Variants in THOC1 observed in about 807,000 individuals in gnomAD.
THOC1 encodes THO complex subunit 1, also known as THO complex 1.
THOC1 carries 29 observed loss-of-function variants against 97.3 expected under a neutral mutation model. The ratio of observed to expected loss-of-function variants is 0.30; its 90% CI spans 0.22 to 0.41. The LOEUF is 0.41. THOC1 is among the 10% of genes least tolerant of loss of function. The probability of loss-of-function intolerance (pLI) is 1.00; values close to 1 mark genes in which losing one functional copy is unlikely to be tolerated. For missense variants in THOC1, 529 were observed against 761.9 expected (o/e 0.69, Z 3.60); for synonymous variants, 255 against 257.0 (o/e 0.99, Z 0.07).
At chr18:252,268 C>T (rs576193554) in intron 9 of THOC1, among the ~76,000 whole-genome samples, 45 of 152,244 alleles carry the variant, frequency 3.0e-4, no homozygotes, top group African/African-American at 1.1e-3. Context: ...GGAGGAGCTC[C>T]TAAGGCTGCC....
chr18:223,351 A>G (rs1911158138), intron 17 of THOC1, 89 bp downstream of exon 17: 2 of 1,050,492 alleles, frequency 1.9e-6, no homozygotes, highest in Non-Finnish European at 2.7e-6. Flanking sequence ...TTTAAATTTC[A>G]TTTGAGCTCT....
At chr18:234,005 A>G (rs1911586547) in intron 11 of THOC1, among the ~76,000 whole-genome samples, 1 of 152,248 alleles carries the variant, frequency 6.6e-6, no homozygotes, top group African/African-American at 2.4e-5. Flanking sequence ...CTATAAATGT[A>G]GAAACACTGC....
In THOC1 at chr18:267,997, A is replaced by C. The variant is rs1912837885; in HGVS notation, c.23T>G (p.Phe8Cys). The change falls in exon 1 of 21, where the codon TTC becomes TGC. Residue 8 changes from phenylalanine (F) to cysteine (C), a missense_variant. Coordinates refer to ENST00000261600, the MANE Select transcript of THOC1 (RefSeq NM_005131.3). ...CCGCGTCCGCGCTTCGGGCAAACTGAAGAGCGGCGGCGTCGGAGACATCTT... is the reference window on the plus strand; with the variant it reads ...CCGCGTCCGCGCTTCGGGCAAACTGCAGAGCGGCGGCGTCGGAGACATCTT... MSPTPPL[F>C]SLPEARTRFT... is the part of the protein sequence containing the mutation. The C allele has an allele frequency of 6.2e-7, 1 of 1,610,776 alleles. No individual in the cohort carries two copies. The highest frequency in any genetic ancestry group is 1.1e-5 in the South Asian group (1 of 90,490).
At chr18:249,412 A>AT (rs1483517555) in intron 9 of THOC1, among the ~76,000 whole-genome samples, 3 of 152,134 alleles carry the variant, frequency 2.0e-5, no homozygotes, top group Non-Finnish European at 4.4e-5. Flanking sequence ...CACACCTGTA[A>AT]TCCCAACACT....
intron 11 of THOC1, among the ~76,000 whole-genome samples, chr18:231,944 G>A (rs757391041): frequency 3.3e-5 from 5 of 152,168 alleles, no homozygotes; most frequent in Admixed American, 1.3e-4. Flanking sequence ...TTCAGGGATT[G>A]GCAAATCTTT....
chr18:215,342 G>T, intron 20 of THOC1, 87 bp downstream of exon 20: 1 of 981,124 alleles, frequency 1.0e-6, no homozygotes, highest in Non-Finnish European at 1.6e-6. Flanking sequence ...AAGTTGAGAA[G>T]TCGATCAAAT....
At chr18:218,807 G>T in intron 18 of THOC1, 79 bp downstream of exon 18, 2 of 1,211,598 alleles carry the variant, frequency 1.7e-6, no homozygotes, top group South Asian at 1.4e-5. Flanking sequence ...CTCTTAAGAG[G>T]CTTTCTAGTA....
At chr18:233,660 T>A (rs1911573289) in intron 11 of THOC1, among the ~76,000 whole-genome samples, 1 of 151,610 alleles carries the variant, frequency 6.6e-6, no homozygotes, top group African/African-American at 2.4e-5. Context: ...ATATTAACCT[T>A]TTCTACAATT....
chr18:218,164 AT>A (rs1292970590), intron 18 of THOC1, among the ~76,000 whole-genome samples: 1 of 152,196 alleles, frequency 6.6e-6, no homozygotes, highest in African/African-American at 2.4e-5. Flanking sequence ...GCACTGTCTT[AT>A]TTAATCCTCA....
intron 11 of THOC1, chr18:245,092 T>TGA (rs1912044992): frequency 1.3e-5 from 2 of 152,220 alleles, no homozygotes; most frequent in Admixed American, 1.3e-4. Flanking sequence ...CAATGGATGT[T>TGA]ATCTCATCGA....
intron 11 of THOC1, among the ~76,000 whole-genome samples, chr18:235,160 A>G (rs191872279): frequency 6.6e-6 from 1 of 151,722 alleles, no homozygotes; most frequent in African/African-American, 2.4e-5. Flanking sequence ...AGGCTTCAAA[A>G]TTTATTCGTA....
In THOC1 at chr18:255,079, G is replaced by C. The variant is rs1912395216; in HGVS notation, c.521-724C>G. Among the ~76,000 whole-genome samples, 8 of 152,140 alleles carry C rather than the reference G, an allele frequency of 5.3e-5. No individual in the cohort carries two copies. In the South Asian group the frequency reaches 1.5e-3, roughly 28 times the overall value. ...AATAAATGCTGTGTGTGTTCTGACTGCTTCACCGACCAACCGTTCCCATGA... is the reference window on the plus strand; with the variant it reads ...AATAAATGCTGTGTGTGTTCTGACTCCTTCACCGACCAACCGTTCCCATGA... On this transcript the variant is annotated intron_variant, in intron 7 of 20. Coordinates refer to ENST00000261600, the MANE Select transcript of THOC1 (RefSeq NM_005131.3).
intron 16 of THOC1, among the ~76,000 whole-genome samples, chr18:223,851 G>GA (rs1166296300): frequency 6.6e-6 from 1 of 152,018 alleles, no homozygotes; most frequent in Non-Finnish European, 1.5e-5. Context: ...GTCTGAAACG[G>GA]AAAAAATGGC....
chr18:219,779 T>G (rs1053330954), intron 17 of THOC1, among the ~76,000 whole-genome samples: 1 of 152,194 alleles, frequency 6.6e-6, no homozygotes, highest in Non-Finnish European at 1.5e-5. Context: ...GCAAATAAAC[T>G]TTTACATTAA....
Position 268,015 on chromosome 18 carries a change from G to A in THOC1, c.5C>T (p.Ser2Phe), listed in dbSNP as rs763798964. 2.5e-6 allele frequency: 4 copies of A among 1,603,066 alleles called. No homozygotes were observed. The highest frequency in any genetic ancestry group is 1.3e-5 in the African/African-American group (1 of 74,834). M[S>F]PTPPLFSLPE... Reference sequence around the variant, plus strand: ...CAAACTGAAGAGCGGCGGCGTCGGAGACATCTTCTCGGCTGCGCGTGCCCG... The same window carrying A: ...CAAACTGAAGAGCGGCGGCGTCGGAAACATCTTCTCGGCTGCGCGTGCCCG... The change falls in exon 1 of 21, where the codon TCT becomes TTT. Residue 2 changes from serine to phenylalanine, a missense_variant. Transcript: ENST00000261600.
chr18:267,942 T>G, intron 1 of THOC1, 24 bp downstream of exon 1: 1 of 1,607,508 alleles, frequency 6.2e-7, no homozygotes. Flanking sequence ...GGGTCAGGCC[T>G]GCACCCTCCC....
rs755941042 is a variant in THOC1 at position 225,321 on chromosome 18, T to C, written c.1086+16A>G. The C allele has an allele frequency of 1.2e-6, 2 of 1,612,538 alleles. No homozygotes were observed. The highest frequency in any genetic ancestry group is 1.3e-5 in the African/African-American group (1 of 75,018). On this transcript the variant is annotated intron_variant, in intron 13 of 20. Transcript: ENST00000261600. ...TCCATTTTTTCAATCATGGGTTTGT[T>C]GCGTGTTGAACTTACTTGATAAACT...
At chr18:261,695 C>G (rs1214126551) in intron 4 of THOC1, among the ~76,000 whole-genome samples, 1 of 152,136 alleles carries the variant, frequency 6.6e-6, no homozygotes, top group African/African-American at 2.4e-5. Context: ...TATTATATAC[C>G]CTGCACATCC....
intron 1 of THOC1, among the ~76,000 whole-genome samples, chr18:267,703 A>T (rs1334030174): frequency 6.6e-6 from 1 of 152,028 alleles, no homozygotes; most frequent in Admixed American, 6.5e-5. Flanking sequence ...GCAGGTGGGC[A>T]CTCCAAGCGG....
Sources: allele counts gnomAD v4.1 joint callset (sites outside exome capture counted in the v4.1 genomes callset), GRCh38; gene constraint gnomAD v4.1.1; transcripts MANE v1.5; gene names NCBI Gene and HGNC (gene_info 2026-07-23, HGNC 2026-07-21).